The following LIMS1 variants were observed in gnomAD, a reference collection of about 807,000 sequenced individuals.
LIMS1 encodes the protein LIM zinc finger domain containing 1.
LIMS1 carries 18 observed loss-of-function variants against 44.1 expected under a neutral mutation model. The observed-to-expected ratio is 0.41, with a 90% CI of 0.28 to 0.61. The LOEUF (loss-of-function observed/expected upper bound fraction) is 0.61. LIMS1 is among the 20% of genes least tolerant of loss of function. The pLI is 0.32. For synonymous variants in LIMS1, 93 were observed against 149.1 expected (o/e 0.62, Z 2.74); for missense variants, 201 against 422.0 (o/e 0.48, Z 4.59).
At chr2:108,681,474 G>T (rs1358650981) in intron 9 of LIMS1, 2 of 977,574 alleles carry the variant, frequency 2.0e-6, no homozygotes, top group Admixed American at 6.2e-5. Context: ...TCTCTTAATA[G>T]ACCCTGGAAA....
intron 2 of LIMS1, among the ~76,000 whole-genome samples, chr2:108,661,351 A>G (rs1363615343): frequency 1.3e-5 from 2 of 149,388 alleles, no homozygotes; most frequent in African/African-American, 5.0e-5. Flanking sequence ...TTTTTTTTTA[A>G]CTTTATTTCT....
At chr2:108,593,024 C>A (rs1686486034) in intron 1 of LIMS1, among the ~76,000 whole-genome samples, 1 of 152,114 alleles carries the variant, frequency 6.6e-6, no homozygotes, top group African/African-American at 2.4e-5. Flanking sequence ...TCCTTGTTTT[C>A]AATTCTTTTG....
intron 1 of LIMS1, among the ~76,000 whole-genome samples, chr2:108,565,385 A>C (rs539707645): frequency 6.6e-6 from 1 of 152,336 alleles, no homozygotes; most frequent in Admixed American, 6.5e-5. Flanking sequence ...GATGGTGTTA[A>C]GTAACTCTTT....
intron 1 of LIMS1, among the ~76,000 whole-genome samples, chr2:108,549,439 C>T (rs1255901119): frequency 9.9e-5 from 15 of 151,594 alleles, no homozygotes; most frequent in Admixed American, 3.3e-4. Flanking sequence ...GGACTACAGG[C>T]GTGTACCACC....
intron 1 of LIMS1, among the ~76,000 whole-genome samples, chr2:108,620,047 G>A (rs76583161): frequency 0.012 from 1,827 of 152,266 alleles, 42 homozygotes; most frequent in African/African-American, 0.043. Context: ...CATATGCTGT[G>A]TTTGAATGGC....
intron 1 of LIMS1, among the ~76,000 whole-genome samples, chr2:108,609,482 C>A (rs1687469702): frequency 6.6e-6 from 1 of 152,204 alleles, no homozygotes; most frequent in African/African-American, 2.4e-5. Flanking sequence ...GTCATTGCTC[C>A]TACTGTTTCC....
intron 1 of LIMS1, among the ~76,000 whole-genome samples, chr2:108,657,686 C>T (rs550554937): frequency 6.6e-6 from 1 of 152,428 alleles, no homozygotes; most frequent in African/African-American, 2.4e-5. Context: ...TAACATGAGG[C>T]TTGGGCCAGG....
chr2:108,578,437 C>T (rs546489637), intron 1 of LIMS1, among the ~76,000 whole-genome samples: 3 of 152,212 alleles, frequency 2.0e-5, no homozygotes, highest in Middle Eastern at 3.4e-3. Flanking sequence ...AATATCTCCA[C>T]CATATGAAAT....
chr2:108,578,321 A>G (rs1002682037), intron 1 of LIMS1, among the ~76,000 whole-genome samples: 9 of 152,230 alleles, frequency 5.9e-5, no homozygotes, highest in Admixed American at 2.0e-4. Flanking sequence ...TAGCATGTGT[A>G]TATGTAAAGA....
At chr2:108,621,727 T>C (rs1382226578) in intron 1 of LIMS1, among the ~76,000 whole-genome samples, 2 of 152,268 alleles carry the variant, frequency 1.3e-5, no homozygotes, top group African/African-American at 2.4e-5. Context: ...TTAAAAATTA[T>C]ATAATCACCA....
intron 1 of LIMS1, among the ~76,000 whole-genome samples, chr2:108,546,083 C>T (rs896036905): frequency 3.3e-5 from 5 of 152,078 alleles, no homozygotes; most frequent in Non-Finnish European, 7.4e-5. Flanking sequence ...ATGTGTATTG[C>T]CTTAGCATAT....
At chr2:108,634,910 A>G (rs1689131836) in intron 1 of LIMS1, among the ~76,000 whole-genome samples, 1 of 152,176 alleles carries the variant, frequency 6.6e-6, no homozygotes, top group African/African-American at 2.4e-5. Flanking sequence ...CAGTTCCTTT[A>G]TTCTCCTCTT....
chr2:108,643,972 C>T (rs1273216318), intron 1 of LIMS1, among the ~76,000 whole-genome samples: 1 of 152,190 alleles, frequency 6.6e-6, no homozygotes, highest in Non-Finnish European at 1.5e-5. Flanking sequence ...TCTAGATTCC[C>T]TCCTCTCTGG....
intron 1 of LIMS1, among the ~76,000 whole-genome samples, chr2:108,571,744 A>C (rs923675083): frequency 6.6e-6 from 1 of 152,212 alleles, no homozygotes; most frequent in African/African-American, 2.4e-5. Context: ...GAAGACTATC[A>C]CTTTTCAGTT....
chr2:108,663,210 C>T (rs907507144), intron 2 of LIMS1, among the ~76,000 whole-genome samples: 2 of 152,080 alleles, frequency 1.3e-5, no homozygotes, highest in Admixed American at 1.3e-4. Flanking sequence ...CCTTGACTTC[C>T]TGGGCTCAAG....
chr2:108,598,349 CT>C (rs1423247461), intron 1 of LIMS1, among the ~76,000 whole-genome samples: 1 of 152,096 alleles, frequency 6.6e-6, no homozygotes, highest in East Asian at 1.9e-4. Flanking sequence ...TGATTTGAGA[CT>C]TTTTGTTGTT....
chr2:108,543,730 CCT>C (rs1258746760), intron 1 of LIMS1, among the ~76,000 whole-genome samples: 1 of 152,190 alleles, frequency 6.6e-6, no homozygotes, highest in African/African-American at 2.4e-5. Context: ...TGCACACTTA[CCT>C]GTAGACATAT....
chr2:108,577,015 A>T (rs1465824808), intron 1 of LIMS1, among the ~76,000 whole-genome samples: 1 of 152,170 alleles, frequency 6.6e-6, no homozygotes, highest in African/African-American at 2.4e-5. Context: ...TTTCACTAGT[A>T]TGTCCAAATT....
chr2:108,562,247 C>T (rs569642466), intron 1 of LIMS1, among the ~76,000 whole-genome samples: 7 of 152,246 alleles, frequency 4.6e-5, no homozygotes, highest in African/African-American at 1.7e-4. Context: ...AATTAATAAC[C>T]CTATAATAAT....
Sources: gnomAD v4.1 joint callset for allele counts (sites outside exome capture counted in the v4.1 genomes callset) on GRCh38, gnomAD v4.1.1 for gene constraint, MANE v1.5 for transcripts, NCBI Gene and HGNC (gene_info 2026-07-23, HGNC 2026-07-21) for gene names.